Variants in FABP12 observed in about 807,000 individuals in gnomAD.
FABP12 encodes fatty acid-binding protein 12.
Under a neutral mutation model 13.7 loss-of-function variants are expected in FABP12, and 19 were observed. The observed-to-expected ratio is 1.39, with a 90% CI of 0.97 to 2.04. The LOEUF (loss-of-function observed/expected upper bound fraction) is 2.04. Ranked by LOEUF, FABP12 falls within the 30% of genes most tolerant of loss-of-function variation. The pLI is 0.00. For missense variants in FABP12, 182 were observed against 164.2 expected (o/e 1.11, Z -0.59); for synonymous variants, 61 against 57.0 (o/e 1.07, Z -0.32).
intron 1 of FABP12, among the ~76,000 whole-genome samples, chr8:81,578,672 G>A (rs1006215144): frequency 6.6e-6 from 1 of 150,914 alleles, no homozygotes; most frequent in African/African-American, 2.4e-5. Context: ...TTTTAGTAGA[G>A]ATGGGGTTTC....
intron 1 of FABP12, among the ~76,000 whole-genome samples, chr8:81,562,727 T>C (rs1809745790): frequency 6.6e-6 from 1 of 151,930 alleles, no homozygotes; most frequent in South Asian, 2.1e-4. Flanking sequence ...CTTCATCTTG[T>C]GGCTTGGGTG....
At chr8:81,563,870 A>G (rs1191634825) in intron 1 of FABP12, among the ~76,000 whole-genome samples, 1 of 152,174 alleles carries the variant, frequency 6.6e-6, no homozygotes, top group African/African-American at 2.4e-5. Flanking sequence ...GTAGAAAGTT[A>G]ATTCAAAAGG....
intron 1 of FABP12, among the ~76,000 whole-genome samples, chr8:81,578,553 T>C (rs1250964245): frequency 1.3e-5 from 2 of 150,934 alleles, no homozygotes; most frequent in African/African-American, 4.9e-5. Context: ...TGGCATGATC[T>C]CAGCTCACCG....
At chr8:81,588,250 T>C (rs1429250033) in intron 1 of FABP12, among the ~76,000 whole-genome samples, 1 of 152,182 alleles carries the variant, frequency 6.6e-6, no homozygotes, top group Non-Finnish European at 1.5e-5. Flanking sequence ...CACAGAGCCT[T>C]TGGGCAGAGA....
At chr8:81,583,133 T>A (rs1458538834) in intron 1 of FABP12, among the ~76,000 whole-genome samples, 1 of 152,040 alleles carries the variant, frequency 6.6e-6, no homozygotes, top group Non-Finnish European at 1.5e-5. Flanking sequence ...TAATGAAGAA[T>A]CAAGAGCCTC....
chr8:81,561,621 A>T (rs906048567), intron 1 of FABP12, among the ~76,000 whole-genome samples: 5 of 152,144 alleles, frequency 3.3e-5, no homozygotes, highest in Non-Finnish European at 7.4e-5. Flanking sequence ...ACAGAGATAG[A>T]ATCTGTGTGC....
intron 1 of FABP12, among the ~76,000 whole-genome samples, chr8:81,541,910 T>TTAA (rs1563547038): frequency 1.4e-5 from 1 of 71,156 alleles, no homozygotes; most frequent in Non-Finnish European, 2.7e-5. Context: ...TCCCAGGGTT[T>TTAA]AAAAAAAAAA....
chr8:81,543,743 C>T (rs1809390628), intron 1 of FABP12, among the ~76,000 whole-genome samples: 1 of 152,028 alleles, frequency 6.6e-6, no homozygotes, highest in Admixed American at 6.5e-5. Flanking sequence ...TTCAATTTAT[C>T]TAAAATTGTT....
chr8:81,566,798 G>T lies in FABP12; in HGVS notation c.-185+23255C>A, dbSNP rs559255365. 2.0e-5 allele frequency among the ~76,000 whole-genome samples: 3 copies of T among 152,210 alleles called. No individual in the cohort carries two copies. In the South Asian group the frequency reaches 6.2e-4, roughly 32 times the overall value. Reference sequence around the variant, plus strand: ...AATATTATTCAGTATAGTACTGGAAGTCCTAGCTAGAGCAATCAGACGGGA... The same window carrying T: ...AATATTATTCAGTATAGTACTGGAATTCCTAGCTAGAGCAATCAGACGGGA... On this transcript the variant is annotated intron_variant, in intron 1 of 5. Coordinates refer to the FABP12 transcript ENST00000692030.
intron 1 of FABP12, among the ~76,000 whole-genome samples, chr8:81,578,493 T>C (rs915227785): frequency 6.6e-6 from 1 of 151,276 alleles, no homozygotes; most frequent in Non-Finnish European, 1.5e-5. Context: ...TTTTCTTTTT[T>C]TTTTTTTTTC....
At chr8:81,533,898 G>C (rs1228341019) in exon 1 of FABP12, among the ~76,000 whole-genome samples, 1 of 152,028 alleles carries the variant, frequency 6.6e-6, no homozygotes, top group Non-Finnish European at 1.5e-5. Flanking sequence ...TGACTCTGTG[G>C]GTCTGACGGA....
intron 1 of FABP12, among the ~76,000 whole-genome samples, chr8:81,548,536 A>G (rs574906161): frequency 6.6e-6 from 1 of 152,278 alleles, no homozygotes; most frequent in South Asian, 2.1e-4. Context: ...TGTAGGATAT[A>G]CCTTTGACTA....
intron 1 of FABP12, among the ~76,000 whole-genome samples, chr8:81,577,694 G>A (rs947050936): frequency 3.3e-5 from 5 of 152,194 alleles, no homozygotes; most frequent in Admixed American, 1.3e-4. Context: ...CCGGGAGGTG[G>A]AGGTTGCAGT....
chr8:81,526,146 G>T (rs1416167730), intron 4 of FABP12: 1 of 151,918 alleles, frequency 6.6e-6, no homozygotes, highest in Non-Finnish European at 1.5e-5. Flanking sequence ...CTTCATTGTA[G>T]AAAGAAAAAA....
At position 81,525,128 on chromosome 8, in the gene FABP12, A is replaced by C; in HGVS notation, c.349-8T>G. 6.4e-7 allele frequency: 1 copy of C among 1,554,588 alleles called. No homozygotes were observed. ...ACTGTTCACAGTACTTTCCTACAAG[A>C]CAAAAGAAATATGAGGTATTTCAGT... is the stretch of plus-strand genomic sequence containing the variant. On this transcript the variant is annotated splice_polypyrimidine_tract_variant and splice_region_variant and intron_variant, in intron 4 of 4. Transcript: ENST00000360464.
chr8:81,582,812 T>G (rs1220364636), intron 1 of FABP12, among the ~76,000 whole-genome samples: 1 of 152,066 alleles, frequency 6.6e-6, no homozygotes. Flanking sequence ...GAAAGAAACT[T>G]AACAAAGAAA....
chr8:81,571,034 C>T (rs1244508791), intron 1 of FABP12, among the ~76,000 whole-genome samples: 3 of 136,966 alleles, frequency 2.2e-5, no homozygotes, highest in African/African-American at 5.6e-5. Flanking sequence ...AGGCCAGCGC[C>T]GAGCCACCCT....
chr8:81,569,397 T>C (rs1487267895), intron 1 of FABP12, among the ~76,000 whole-genome samples: 1 of 152,218 alleles, frequency 6.6e-6, no homozygotes, highest in East Asian at 1.9e-4. Context: ...AATGATGAGT[T>C]CAAATGGAAA....
At chr8:81,577,771 T>C (rs1465401620) in intron 1 of FABP12, among the ~76,000 whole-genome samples, 1 of 152,082 alleles carries the variant, frequency 6.6e-6, no homozygotes, top group Non-Finnish European at 1.5e-5. Context: ...AAAAAATAAG[T>C]AAATAAATAA....
Sources: gnomAD v4.1 joint callset for allele counts (sites outside exome capture counted in the v4.1 genomes callset) on GRCh38, gnomAD v4.1.1 for gene constraint, MANE v1.5 for transcripts, NCBI Gene and HGNC (gene_info 2026-07-23, HGNC 2026-07-21) for gene names.